The following KIAA1217 variants were observed in gnomAD, a reference collection of about 807,000 sequenced individuals.
KIAA1217 encodes the protein KIAA1217.
Under a neutral mutation model 163.9 loss-of-function variants are expected in KIAA1217, and 88 were observed. The ratio of observed to expected loss-of-function variants is 0.54; its 90% CI spans 0.45 to 0.64. The LOEUF (loss-of-function observed/expected upper bound fraction) is 0.64, where lower values mean the gene tolerates loss of function less well. Ranked by LOEUF, KIAA1217 falls within the 30% of genes least tolerant of loss-of-function variation. KIAA1217 has a pLI of 0.00. For synonymous variants in KIAA1217, 903 were observed against 923.1 expected, an observed-to-expected ratio of 0.98 and a Z score of 0.39; for missense variants, 2,372 against 2,475.0, an observed-to-expected ratio of 0.96 and a Z score of 0.88.
intron 1 of KIAA1217, among the ~76,000 whole-genome samples, chr10:23,703,385 T>C (rs1196330633): frequency 6.6e-6 from 1 of 152,202 alleles, no homozygotes; most frequent in Non-Finnish European, 1.5e-5. Flanking sequence ...GCGTCCCATC[T>C]GCAAATTCCC....
intron 2 of KIAA1217, among the ~76,000 whole-genome samples, chr10:24,009,083 T>C (rs1847134690): frequency 6.6e-6 from 1 of 152,192 alleles, no homozygotes; most frequent in Admixed American, 6.6e-5. Flanking sequence ...TGTGACTGTT[T>C]TGTTGCCTGA....
At chr10:24,071,024 A>C (rs969086371) in intron 2 of KIAA1217, among the ~76,000 whole-genome samples, 1 of 152,148 alleles carries the variant, frequency 6.6e-6, no homozygotes, top group Non-Finnish European at 1.5e-5. Flanking sequence ...ATATCTACTA[A>C]ACAAATCACT....
intron 2 of KIAA1217, among the ~76,000 whole-genome samples, chr10:24,019,291 A>T (rs1847629964): frequency 6.6e-6 from 1 of 152,106 alleles, no homozygotes; most frequent in Admixed American, 6.6e-5. Context: ...ATATCAAAAC[A>T]TTGTTATATA....
chr10:23,823,434 A>G (rs1485994771), intron 1 of KIAA1217, among the ~76,000 whole-genome samples: 1 of 152,180 alleles, frequency 6.6e-6, no homozygotes, highest in Non-Finnish European at 1.5e-5. Flanking sequence ...CTTTTGCTGC[A>G]TCTCTTCTGC....
intron 2 of KIAA1217, among the ~76,000 whole-genome samples, chr10:24,336,481 C>G (rs2046371280): frequency 6.6e-6 from 1 of 152,136 alleles, no homozygotes; most frequent in Non-Finnish European, 1.5e-5. Flanking sequence ...GTGCAAACTC[C>G]TCATCTTGCA....
At chr10:24,063,298 T>C (rs184014207) in intron 2 of KIAA1217, among the ~76,000 whole-genome samples, 237 of 152,296 alleles carry the variant, frequency 1.6e-3, no homozygotes, top group African/African-American at 5.4e-3. Context: ...TTTTAATCCA[T>C]GTTGAATTAA....
chr10:24,054,060 A>T (rs987308703), intron 2 of KIAA1217, among the ~76,000 whole-genome samples: 2 of 152,168 alleles, frequency 1.3e-5, no homozygotes, highest in African/African-American at 4.8e-5. Context: ...GTCAGGCATT[A>T]TTCTAGGATC....
intron 1 of KIAA1217, among the ~76,000 whole-genome samples, chr10:23,972,876 A>G (rs1845376760): frequency 1.3e-5 from 2 of 152,136 alleles, no homozygotes; most frequent in Admixed American, 1.3e-4. Flanking sequence ...CAAGCACTGC[A>G]TGTTCTCACT....
Position 24,546,541 on chromosome 10 carries a change from C to A in KIAA1217, c.*217C>A, listed in dbSNP as rs1437492714. 4 of 507,034 alleles carry A rather than the reference C, an allele frequency of 7.9e-6. No homozygotes were observed. The highest frequency in any genetic ancestry group is 1.0e-5 in the Non-Finnish European group (3 of 294,148). 31.4% of individuals were successfully genotyped at this position (507,034 alleles called of 1,614,324 possible). On this transcript the variant is annotated 3_prime_UTR_variant, in exon 21 of 21. Coordinates refer to ENST00000376454, the MANE Select transcript of KIAA1217 (RefSeq NM_019590.5). ...TGCTATAGTGTCTACAGTCTATACTCAATACCTATAAAATGCAGTAAGCAT... is the reference window on the plus strand; with the variant it reads ...TGCTATAGTGTCTACAGTCTATACTAAATACCTATAAAATGCAGTAAGCAT...
chr10:23,720,123 T>G (rs1837792533), intron 1 of KIAA1217, among the ~76,000 whole-genome samples: 1 of 151,636 alleles, frequency 6.6e-6, no homozygotes, highest in Non-Finnish European at 1.5e-5. Context: ...TACACAAAGT[T>G]GTGAATGTAC....
rs1279356774 is a variant in KIAA1217, at chr10:24,473,620, C to T, written c.1239C>T (p.His413=). The T allele has an allele frequency of 2.5e-6, 4 of 1,614,084 alleles. No homozygotes were observed. The highest frequency in any genetic ancestry group is 1.3e-5 in the African/African-American group (1 of 75,026). ...GCATAGCCTCATCCCATGGTGGACA[C>T]CCACTGGATGTCCCCGACCACATCA... The part of the protein sequence containing the change: ...RMSIASSHGG[H]PLDVPDHIIA... The change falls in exon 6 of 21, where the codon CAC becomes CAT. Residue 413 remains histidine (H), a synonymous_variant. Transcript: ENST00000376454.
chr10:23,960,655 T>G (rs1158368671), intron 1 of KIAA1217, among the ~76,000 whole-genome samples: 2 of 152,246 alleles, frequency 1.3e-5, no homozygotes, highest in South Asian at 2.1e-4. Flanking sequence ...TATTTCTGCT[T>G]CTTCTGATCC....
chr10:24,331,759 A>T (rs967475075), intron 2 of KIAA1217, among the ~76,000 whole-genome samples: 1 of 152,224 alleles, frequency 6.6e-6, no homozygotes, highest in Non-Finnish European at 1.5e-5. Flanking sequence ...AAAGAACAGG[A>T]CAGGGAAATG....
intron 2 of KIAA1217, among the ~76,000 whole-genome samples, chr10:24,041,005 C>A (rs1848606433): frequency 6.6e-6 from 1 of 152,226 alleles, no homozygotes. Flanking sequence ...TTAGAGGTAA[C>A]TCCTGTTCCC....
intron 2 of KIAA1217, among the ~76,000 whole-genome samples, chr10:24,079,224 C>T (rs1276377155): frequency 1.3e-5 from 2 of 152,096 alleles, no homozygotes; most frequent in African/African-American, 4.8e-5. Flanking sequence ...GCAAAGAAAA[C>T]AAACACTGAA....
chr10:24,335,616 A>ATTTATT (rs1554820418), intron 2 of KIAA1217, among the ~76,000 whole-genome samples: 5 of 113,956 alleles, frequency 4.4e-5, no homozygotes, highest in African/African-American at 1.6e-4. Flanking sequence ...TTATTTATTT[A>ATTTATT]TTTATTTATT....
chr10:24,195,677 T>G (rs990328222), intron 2 of KIAA1217, among the ~76,000 whole-genome samples: 2 of 152,164 alleles, frequency 1.3e-5, no homozygotes, highest in African/African-American at 4.8e-5. Flanking sequence ...ATGAGAATTG[T>G]TTTTAATCCG....
intron 2 of KIAA1217, among the ~76,000 whole-genome samples, chr10:24,337,597 TTTC>T (rs2046517791): frequency 2.0e-5 from 1 of 49,134 alleles, no homozygotes; most frequent in Non-Finnish European, 3.8e-5. Flanking sequence ...GTTTTTTTCT[TTTC>T]TTTTCTTTTC....
At chr10:24,021,185 T>C (rs1235351543) in intron 2 of KIAA1217, among the ~76,000 whole-genome samples, 2 of 151,962 alleles carry the variant, frequency 1.3e-5, no homozygotes, top group East Asian at 3.9e-4. Flanking sequence ...TAATCAATTA[T>C]GTATGTAGAA....
Sources: gnomAD v4.1 joint callset for allele counts (sites outside exome capture counted in the v4.1 genomes callset) on GRCh38, gnomAD v4.1.1 for gene constraint, MANE v1.5 for transcripts, NCBI Gene and HGNC (gene_info 2026-07-23, HGNC 2026-07-21) for gene names.